DYNC2I1: variants seen among roughly 807,000 people sequenced by gnomAD.
The protein encoded by DYNC2I1 is cytoplasmic dynein 2 intermediate chain 1.
Under a neutral mutation model 133.4 loss-of-function variants are expected in DYNC2I1, and 89 were observed. That is an observed-to-expected ratio of 0.67 (90% CI 0.56 to 0.80). The LOEUF is 0.80. Ranked by LOEUF, DYNC2I1 falls within the 30% of genes least tolerant of loss-of-function variation. The probability of loss-of-function intolerance (pLI) is 0.00; values close to 1 mark genes in which losing one functional copy is unlikely to be tolerated. For missense variants in DYNC2I1, 1,291 were observed against 1,314.5 expected, an observed-to-expected ratio of 0.98 and a Z score of 0.28; for synonymous variants, 504 against 484.3, an observed-to-expected ratio of 1.04 and a Z score of -0.54.
intron 4 of DYNC2I1, among the ~76,000 whole-genome samples, chr7:158,879,254 A>G (rs1189741569): frequency 6.6e-6 from 1 of 152,074 alleles, no homozygotes; most frequent in Non-Finnish European, 1.5e-5. Context: ...TGAAGGGGGC[A>G]GTGGTAGTTC....
At chr7:158,917,983 C>T (rs982349954) in intron 14 of DYNC2I1, among the ~76,000 whole-genome samples, 8 of 152,034 alleles carry the variant, frequency 5.3e-5, no homozygotes, top group African/African-American at 1.9e-4. Context: ...CACTCCCATA[C>T]GGTTGGCTTT....
At position 158,922,366 on chromosome 7, in the gene DYNC2I1, C is replaced by T. The variant is rs1260274155; in HGVS notation, c.1922-11C>T. The T allele has an allele frequency of 6.2e-7, 1 of 1,606,978 alleles. No homozygotes were observed. The highest frequency in any genetic ancestry group is 2.2e-5 in the East Asian group (1 of 44,706). ...GTCGTTGAAATGTGAACATATTTTTCTTCTCCCTAGATCGAAAAGTATCCT... is the reference window on the plus strand; with the variant it reads ...GTCGTTGAAATGTGAACATATTTTTTTTCTCCCTAGATCGAAAAGTATCCT... On this transcript the variant is annotated splice_polypyrimidine_tract_variant and intron_variant, in intron 15 of 24. Transcript: ENST00000407559.
At chr7:158,917,803 A>C (rs1269035695) in intron 14 of DYNC2I1, among the ~76,000 whole-genome samples, 2 of 151,144 alleles carry the variant, frequency 1.3e-5, no homozygotes, top group African/African-American at 4.9e-5. Flanking sequence ...TGCCTTCCAC[A>C]CTCTCTTCCT....
chr7:158,881,091 T>C lies in DYNC2I1; in HGVS notation c.879+1102T>C, dbSNP rs139923329. Among the ~76,000 whole-genome samples the C allele has an allele frequency of 1.3e-4, 20 of 152,366 alleles. No homozygotes were observed. The East Asian group carries it at 3.9e-3, about 29-fold the overall frequency. On this transcript the variant is annotated intron_variant, in intron 5 of 24. Coordinates refer to ENST00000407559, the MANE Select transcript of DYNC2I1 (RefSeq NM_018051.5). ...AACGCGAATGCCAGTGGGTTAGAAC[T>C]GGGAGCACTTAGGCCGAGAAGCAGT...
downstream of DYNC2I1, among the ~76,000 whole-genome samples, chr7:158,948,884 G>A (rs1019515218): frequency 1.7e-4 from 26 of 152,310 alleles, no homozygotes; most frequent in East Asian, 2.1e-3. Context: ...ATGGCAGATG[G>A]TTAACATCAT....
At chr7:158,868,721 C>T (rs540875697) in intron 1 of DYNC2I1, among the ~76,000 whole-genome samples, 1 of 152,332 alleles carries the variant, frequency 6.6e-6, no homozygotes, top group African/African-American at 2.4e-5. Flanking sequence ...CAGGCTTTCT[C>T]TGCCGATCCT....
At chr7:158,880,244 C>T (rs1288892730) in intron 5 of DYNC2I1, among the ~76,000 whole-genome samples, 1 of 152,140 alleles carries the variant, frequency 6.6e-6, no homozygotes, top group East Asian at 1.9e-4. Flanking sequence ...TATCATAAAA[C>T]TTTGAAATTT....
intron 16 of DYNC2I1, among the ~76,000 whole-genome samples, 190 bp downstream of exon 16, chr7:158,922,739 T>C (rs1319702349): frequency 2.0e-5 from 3 of 152,128 alleles, no homozygotes; most frequent in Non-Finnish European, 4.4e-5. Context: ...ATGGGTGTGC[T>C]TGTAGTTCAG....
At position 158,911,536 on chromosome 7, in the gene DYNC2I1, A is replaced by G. The variant is rs780344639; in HGVS notation, c.1461-14A>G. On this transcript the variant is annotated splice_polypyrimidine_tract_variant and intron_variant, in intron 11 of 24. Transcript: ENST00000407559. ...TCGAGTTAATTTTTGTCTTGTTTCCAATTTATTTCAAAGGATGCGAAGTAC... is the reference window on the plus strand; with the variant it reads ...TCGAGTTAATTTTTGTCTTGTTTCCGATTTATTTCAAAGGATGCGAAGTAC... The G allele has an allele frequency of 6.2e-7, 1 of 1,608,304 alleles. No homozygotes were observed. The highest frequency in any genetic ancestry group is 8.5e-7 in the Non-Finnish European group (1 of 1,178,250).
At chr7:158,934,900 C>G (rs2527192) in intron 23 of DYNC2I1, among the ~76,000 whole-genome samples, 73,517 of 151,932 alleles carry the variant, frequency 0.48, 18,351 homozygotes, top group Non-Finnish European at 0.54. Flanking sequence ...TTTACTAGAG[C>G]ACAAATTGGT....
At chr7:158,845,497 G>A in the DYNC2I1 span, among the ~76,000 whole-genome samples, 1,387 of 152,270 alleles carry the variant, frequency 9.1e-3, 22 homozygotes, top group African/African-American at 0.032. Context: ...AAAATTTGCC[G>A]TAAGGGTTAT....
chr7:158,918,851 A>G lies in DYNC2I1; in HGVS notation c.1903A>G (p.Ser635Gly). ...TGACAGCTCATCTCAGCTGAACACC[A>G]GTCTACCATTCCTTCAAAGTAAGAG... is the stretch of plus-strand genomic sequence containing the variant. ...FSDSSSQLNT[S>G]LPFLQNRKVS... The change falls in exon 15 of 25, where the codon AGT (serine) becomes GGT (glycine). Residue 635 changes from serine (S) to glycine (G), a missense_variant. Transcript: ENST00000407559. The G allele has an allele frequency of 1.9e-6, 3 of 1,613,508 alleles. No individual in the cohort carries two copies. The highest frequency in any genetic ancestry group is 2.5e-6 in the Non-Finnish European group (3 of 1,179,572).
chr7:158,911,468 T>C (rs1249093235), intron 11 of DYNC2I1, 82 bp from the exon 12 acceptor site: 3 of 1,463,874 alleles, frequency 2.0e-6, no homozygotes, highest in African/African-American at 2.8e-5. Flanking sequence ...CATTTAACTC[T>C]AAGTTTACTT....
intron 20 of DYNC2I1, among the ~76,000 whole-genome samples, chr7:158,928,188 C>T (rs1023055146): frequency 3.9e-5 from 6 of 152,094 alleles, no homozygotes; most frequent in East Asian, 1.9e-4. Flanking sequence ...CTATGGAGTA[C>T]GATTTTCAGT....
At chr7:158,893,013 C>T (rs771272172) in intron 8 of DYNC2I1, among the ~76,000 whole-genome samples, 68 of 151,948 alleles carry the variant, frequency 4.5e-4, no homozygotes, top group Non-Finnish European at 7.4e-5. Flanking sequence ...ACATGAATAG[C>T]CTCCCCTATT....
At chr7:158,874,059 A>G (rs955523625) in intron 3 of DYNC2I1, among the ~76,000 whole-genome samples, 17 of 151,936 alleles carry the variant, frequency 1.1e-4, no homozygotes, top group Admixed American at 9.2e-4. Flanking sequence ...GCGCCCGGCC[A>G]GCACCTGGAT....
At chr7:158,856,814 T>TAGCAGCGCCGCCGCCGCC (rs990751732) in intron 1 of DYNC2I1, 64 bp downstream of exon 1, 2 of 1,227,552 alleles carry the variant, frequency 1.6e-6, no homozygotes, top group African/African-American at 3.1e-5. Flanking sequence ...CGGGCGCCGC[T>TAGCAGCGCCGCCGCCGCC]AGCAGCGCCG....
intron 1 of DYNC2I1, among the ~76,000 whole-genome samples, chr7:158,864,224 A>T (rs761269230): frequency 6.6e-6 from 1 of 152,086 alleles, no homozygotes; most frequent in Non-Finnish European, 1.5e-5. Flanking sequence ...AGGAGCTCAC[A>T]TTCCTCAGAT....
intron 7 of DYNC2I1, among the ~76,000 whole-genome samples, chr7:158,887,888 A>G (rs1050962530): frequency 6.6e-6 from 1 of 152,150 alleles, no homozygotes; most frequent in Non-Finnish European, 1.5e-5. Flanking sequence ...CAATTAGTAC[A>G]TCAGCGTTTC....
Sources: allele counts gnomAD v4.1 joint callset (sites outside exome capture counted in the v4.1 genomes callset), GRCh38; gene constraint gnomAD v4.1.1; transcripts MANE v1.5; gene names NCBI Gene and HGNC (gene_info 2026-07-23, HGNC 2026-07-21).